Variants in TTLL5 observed in about 807,000 individuals in gnomAD.
TTLL5 encodes the protein tubulin polyglutamylase TTLL5.
In TTLL5, 132 loss-of-function variants were observed where a neutral mutation model predicts 168.4. The ratio of observed to expected loss-of-function variants is 0.78; its 90% CI spans 0.68 to 0.91. TTLL5 has a LOEUF of 0.91. TTLL5 is among the 40% of genes least tolerant of loss of function. The pLI, the probability that TTLL5 is intolerant of heterozygous loss-of-function variation, is 0.00. For synonymous variants in TTLL5, 546 were observed against 558.6 expected, an observed-to-expected ratio of 0.98 and a Z score of 0.32; for missense variants, 1,545 against 1,581.5, an observed-to-expected ratio of 0.98 and a Z score of 0.39.
intron 30 of TTLL5, among the ~76,000 whole-genome samples, chr14:75,892,690 A>T (rs949308688): frequency 6.6e-6 from 1 of 152,220 alleles, no homozygotes; most frequent in African/African-American, 2.4e-5. Flanking sequence ...GCACTGAAGG[A>T]TGCAGTGTGC....
chr14:75,729,206 C>T (rs1888377719), intron 12 of TTLL5, among the ~76,000 whole-genome samples: 1 of 152,164 alleles, frequency 6.6e-6, no homozygotes, highest in African/African-American at 2.4e-5. Context: ...ACTTGCTCTT[C>T]TGTCATGATA....
At position 75,762,390 on chromosome 14, in the gene TTLL5, G is replaced by C. The variant is rs112627029; in HGVS notation, c.1551-2225G>C. 7.0e-4 allele frequency among the ~76,000 whole-genome samples: 106 copies of C among 152,170 alleles called. 1 individual carries two copies. Among genetic ancestry groups the C allele is most frequent in the Middle Eastern group, 6.8e-3 (2 of 294 alleles). On this transcript the variant is annotated intron_variant, in intron 18 of 31. Transcript: ENST00000298832. ...AGCCTGGGTGACAGAGCAAGACTCCGTCTCAAAATAAATAAATAAATAAAT... is the reference window on the plus strand; with the variant it reads ...AGCCTGGGTGACAGAGCAAGACTCCCTCTCAAAATAAATAAATAAATAAAT...
At chr14:75,773,122 A>G (rs1445306947) in intron 21 of TTLL5, among the ~76,000 whole-genome samples, 1 of 152,162 alleles carries the variant, frequency 6.6e-6, no homozygotes, top group Non-Finnish European at 1.5e-5. Context: ...CTTATTGTAA[A>G]AACATGTTGG....
chr14:75,763,433 A>T (rs780574243), intron 18 of TTLL5, among the ~76,000 whole-genome samples: 1 of 152,158 alleles, frequency 6.6e-6, no homozygotes, highest in Non-Finnish European at 1.5e-5. Context: ...CTTACCATCC[A>T]TTCCATCCAC....
At chr14:75,790,130 A>C (rs1309529311) in intron 26 of TTLL5, among the ~76,000 whole-genome samples, 2 of 152,186 alleles carry the variant, frequency 1.3e-5, no homozygotes, top group East Asian at 3.8e-4. Flanking sequence ...CTTCTGGGGT[A>C]ATTGTTATCC....
chr14:75,916,916 G>A (rs995726916), intron 31 of TTLL5, among the ~76,000 whole-genome samples: 3 of 152,202 alleles, frequency 2.0e-5, no homozygotes, highest in African/African-American at 7.2e-5. Flanking sequence ...TATGCTAAGT[G>A]AAATGAGCCA....
chr14:75,912,184 T>A (rs1422977426), intron 31 of TTLL5, among the ~76,000 whole-genome samples: 1 of 152,194 alleles, frequency 6.6e-6, no homozygotes, highest in Non-Finnish European at 1.5e-5. Context: ...CTCTCCTTTT[T>A]TTTTTTTACA....
chr14:75,721,652 A>G (rs1247198040), intron 12 of TTLL5, among the ~76,000 whole-genome samples: 1 of 152,200 alleles, frequency 6.6e-6, no homozygotes, highest in Non-Finnish European at 1.5e-5. Flanking sequence ...TTCCTCAACT[A>G]TAAAATGGCA....
At chr14:75,868,638 C>T (rs1424799530) in intron 29 of TTLL5, among the ~76,000 whole-genome samples, 1 of 152,172 alleles carries the variant, frequency 6.6e-6, no homozygotes. Flanking sequence ...AAGCTTTTTG[C>T]TAATGCTGTG....
chr14:75,902,661 G>GC, intron 31 of TTLL5: 1 of 456,898 alleles, frequency 2.2e-6, no homozygotes, highest in Non-Finnish European at 4.4e-6. Flanking sequence ...CAGAGCTGGA[G>GC]CTCTGGTCTT....
intron 9 of TTLL5, among the ~76,000 whole-genome samples, chr14:75,714,286 G>A (rs1310282514): frequency 2.6e-5 from 4 of 152,162 alleles, no homozygotes; most frequent in Non-Finnish European, 5.9e-5. Context: ...TCATCTGCTA[G>A]ATTCCTCCAC....
chr14:75,872,658 C>A (rs1406791373), intron 29 of TTLL5, among the ~76,000 whole-genome samples: 3 of 151,984 alleles, frequency 2.0e-5, no homozygotes, highest in African/African-American at 7.3e-5. Context: ...ACCCATAATC[C>A]CAGCACTATG....
At chr14:75,826,320 C>CAT (rs1012844390) in intron 28 of TTLL5, among the ~76,000 whole-genome samples, 3 of 151,736 alleles carry the variant, frequency 2.0e-5, no homozygotes, top group African/African-American at 4.8e-5. Context: ...CACACACACA[C>CAT]ACACACACAC....
chr14:75,882,656 C>T (rs773756586), intron 29 of TTLL5, 29 bp from the exon 30 acceptor site: 5 of 1,586,284 alleles, frequency 3.2e-6, no homozygotes, highest in South Asian at 1.1e-5. Flanking sequence ...TGATGTCCAT[C>T]GATCATTTTT....
At chr14:75,945,211 A>T (rs910650445) in intron 31 of TTLL5, among the ~76,000 whole-genome samples, 2 of 148,038 alleles carry the variant, frequency 1.4e-5, no homozygotes, top group Admixed American at 6.8e-5. Context: ...AATATATATT[A>T]CATATATTAT....
chr14:75,870,923 T>TA (rs1169578226), intron 29 of TTLL5, among the ~76,000 whole-genome samples: 1 of 151,670 alleles, frequency 6.6e-6, no homozygotes, highest in East Asian at 2.0e-4. Flanking sequence ...GCCTCCCAAG[T>TA]AGCTGGGACT....
chr14:75,819,736 G>A (rs766759220), intron 27 of TTLL5, among the ~76,000 whole-genome samples: 23 of 152,136 alleles, frequency 1.5e-4, no homozygotes, highest in African/African-American at 5.3e-4. Flanking sequence ...TTTGTTATCC[G>A]TCTTTGTTTT....
At chr14:75,869,418 A>G (rs1360242352) in intron 29 of TTLL5, among the ~76,000 whole-genome samples, 3 of 152,178 alleles carry the variant, frequency 2.0e-5, no homozygotes, top group Non-Finnish European at 2.9e-5. Context: ...AGGTTATTCA[A>G]ACTTTTAAAA....
At position 75,745,499 on chromosome 14, in the gene TTLL5, T is replaced by C. The variant is rs1889551228; in HGVS notation, c.1405T>C (p.Leu469=). The change falls in exon 17 of 32, where the codon TTA becomes CTA. Residue 469 remains leucine (L), a synonymous_variant. Coordinates refer to ENST00000298832, the MANE Select transcript of TTLL5 (RefSeq NM_015072.5). ...CTTATTTTTCATCTAGATCAAAGTTTTACGAAGGGTGAAGGAGGAGAATGA... is the reference window on the plus strand; with the variant it reads ...CTTATTTTTCATCTAGATCAAAGTTCTACGAAGGGTGAAGGAGGAGAATGA... The part of the protein sequence containing the change: ...LGLSMEEIKV[L]RRVKEENDRR... 1 of 1,614,032 alleles carries C rather than the reference T, an allele frequency of 6.2e-7. No homozygotes were observed. The highest frequency in any genetic ancestry group is 1.3e-5 in the African/African-American group (1 of 75,016).
Sources: allele counts gnomAD v4.1 joint callset (sites outside exome capture counted in the v4.1 genomes callset), GRCh38; gene constraint gnomAD v4.1.1; transcripts MANE v1.5; gene names NCBI Gene and HGNC (gene_info 2026-07-23, HGNC 2026-07-21).